Variants in AGBL4 observed in about 807,000 individuals in gnomAD.
AGBL4 encodes AGBL carboxypeptidase 4.
A neutral mutation model predicts 66.4 loss-of-function variants in AGBL4; 58 were observed. The ratio of observed to expected loss-of-function variants is 0.87; its 90% confidence interval spans 0.71 to 1.09. AGBL4 has a LOEUF of 1.09. AGBL4 is among the 50% of genes least tolerant of loss of function. The pLI, the probability that AGBL4 is intolerant of heterozygous loss-of-function variation, is 0.00. For missense variants in AGBL4, 579 were observed against 631.0 expected (o/e 0.92, Z 0.88); for synonymous variants, 234 against 222.9 (o/e 1.05, Z -0.44).
At chr1:49,969,976 G>A (rs780563920) in intron 1 of AGBL4, among the ~76,000 whole-genome samples, 22 of 152,160 alleles carry the variant, frequency 1.4e-4, no homozygotes, top group Non-Finnish European at 2.1e-4. Flanking sequence ...TTTGACAAGC[G>A]TACCAAGAAT....
At chr1:49,283,887 G>C (rs1444202644) in intron 3 of AGBL4, among the ~76,000 whole-genome samples, 1 of 148,714 alleles carries the variant, frequency 6.7e-6, no homozygotes, top group East Asian at 2.0e-4. Flanking sequence ...CCAAATCTAC[G>C]TCTGATTGGT....
chr1:48,629,801 C>G (rs1192274177), intron 9 of AGBL4, among the ~76,000 whole-genome samples: 1 of 152,168 alleles, frequency 6.6e-6, no homozygotes, highest in East Asian at 1.9e-4. Flanking sequence ...GTCACCAGAT[C>G]AGAGCCTTCA....
chr1:49,254,704 C>G (rs1287730378), intron 3 of AGBL4, among the ~76,000 whole-genome samples: 1 of 152,026 alleles, frequency 6.6e-6, no homozygotes, highest in Non-Finnish European at 1.5e-5. Context: ...CCCAAATAGC[C>G]AAGATAATCC....
At chr1:48,852,000 T>G (rs1462508225) in intron 6 of AGBL4, among the ~76,000 whole-genome samples, 1 of 148,444 alleles carries the variant, frequency 6.7e-6, no homozygotes, top group African/African-American at 2.5e-5. Flanking sequence ...GGTTCTGGTA[T>G]GTGCCAGATA....
At chr1:48,991,261 G>T (rs1039128698) in intron 5 of AGBL4, among the ~76,000 whole-genome samples, 4 of 151,482 alleles carry the variant, frequency 2.6e-5, no homozygotes, top group Non-Finnish European at 5.9e-5. Context: ...CAATTTTTTT[G>T]TTTTTTTTGT....
intron 1 of AGBL4, among the ~76,000 whole-genome samples, chr1:49,999,334 C>CAA (rs58760048): frequency 2.2e-5 from 3 of 134,486 alleles, no homozygotes; most frequent in African/African-American, 5.5e-5. Flanking sequence ...ACTACCACTG[C>CAA]AAAAAAAAAA....
At chr1:49,992,608 A>C (rs1182992864) in intron 1 of AGBL4, among the ~76,000 whole-genome samples, 1 of 151,760 alleles carries the variant, frequency 6.6e-6, no homozygotes, top group Non-Finnish European at 1.5e-5. Context: ...CACTCCATCA[A>C]AGTTCCTTCT....
intron 5 of AGBL4, among the ~76,000 whole-genome samples, chr1:48,884,741 T>C (rs1368166212): frequency 1.3e-5 from 2 of 152,036 alleles, no homozygotes; most frequent in Non-Finnish European, 2.9e-5. Flanking sequence ...CCACATTGGA[T>C]CCTCCTTGTC....
intron 3 of AGBL4, among the ~76,000 whole-genome samples, chr1:49,550,875 T>G (rs1465115215): frequency 6.6e-6 from 1 of 152,194 alleles, no homozygotes; most frequent in Admixed American, 6.5e-5. Context: ...TTTTCCTCAA[T>G]TATTCCCCCA....
chr1:48,748,686 A>T (rs1481067291), intron 6 of AGBL4, among the ~76,000 whole-genome samples: 2 of 152,166 alleles, frequency 1.3e-5, no homozygotes, highest in Admixed American at 1.3e-4. Flanking sequence ...CAAAGGGTGC[A>T]ATGTGATGAT....
intron 5 of AGBL4, among the ~76,000 whole-genome samples, chr1:48,871,502 T>C (rs549179103): frequency 2.0e-5 from 3 of 152,168 alleles, no homozygotes; most frequent in African/African-American, 7.2e-5. Context: ...TTCTATGGAC[T>C]ACTGAAGGAA....
chr1:49,802,558 AC>A (rs1644887428), intron 2 of AGBL4, among the ~76,000 whole-genome samples: 1 of 152,208 alleles, frequency 6.6e-6, no homozygotes, highest in Admixed American at 6.6e-5. Context: ...ATCTCTGTAT[AC>A]TGTACTTCTG....
At chr1:48,691,877 C>G (rs1034829833) in intron 6 of AGBL4, among the ~76,000 whole-genome samples, 1 of 152,150 alleles carries the variant, frequency 6.6e-6, no homozygotes, top group Non-Finnish European at 1.5e-5. Flanking sequence ...CACAAAAGCC[C>G]GTGCCTTCCA....
intron 3 of AGBL4, among the ~76,000 whole-genome samples, chr1:49,421,733 T>C (rs1645550762): frequency 6.6e-6 from 1 of 152,176 alleles, no homozygotes; most frequent in Non-Finnish European, 1.5e-5. Context: ...TTTTGTGGAC[T>C]TGCCTGGAAA....
chr1:49,112,339 C>G (rs572627258), intron 4 of AGBL4, among the ~76,000 whole-genome samples: 1 of 152,178 alleles, frequency 6.6e-6, no homozygotes, highest in African/African-American at 2.4e-5. Context: ...ACCATCTGAG[C>G]CTTCAGAGAG....
chr1:49,751,149 C>A (rs1483561745), intron 2 of AGBL4, among the ~76,000 whole-genome samples: 6 of 152,124 alleles, frequency 3.9e-5, no homozygotes, highest in Non-Finnish European at 7.4e-5. Flanking sequence ...TGAGAGAGGG[C>A]ATCCTTGTAC....
At chr1:49,242,650 A>G (rs985942409) in intron 4 of AGBL4, among the ~76,000 whole-genome samples, 4 of 152,014 alleles carry the variant, frequency 2.6e-5, no homozygotes, top group African/African-American at 9.7e-5. Context: ...TATGAGCATC[A>G]GAAACCTGAT....
At chr1:48,853,649 C>A (rs369012053) in intron 6 of AGBL4, among the ~76,000 whole-genome samples, 37 of 152,206 alleles carry the variant, frequency 2.4e-4, no homozygotes, top group East Asian at 7.7e-4. Flanking sequence ...AGAGAGGATT[C>A]GAACATATAA....
At chr1:48,688,653 A>G (rs1348340008) in intron 6 of AGBL4, among the ~76,000 whole-genome samples, 1 of 152,174 alleles carries the variant, frequency 6.6e-6, no homozygotes, top group African/African-American at 2.4e-5. Flanking sequence ...AGCCACTGCT[A>G]GCATCTTCAC....
Sources: gnomAD v4.1 joint callset for allele counts (sites outside exome capture counted in the v4.1 genomes callset) on GRCh38, gnomAD v4.1.1 for gene constraint, MANE v1.5 for transcripts, NCBI Gene and HGNC (gene_info 2026-07-23, HGNC 2026-07-21) for gene names.